Variants in GLIS1 observed in about 807,000 individuals in gnomAD.
GLIS1 encodes GLIS family zinc finger 1, also known as zinc finger protein GLIS1.
A neutral mutation model predicts 63.8 loss-of-function variants in GLIS1; 24 were observed. The ratio of observed to expected loss-of-function variants is 0.38; its 90% confidence interval spans 0.27 to 0.53. The LOEUF is 0.53. GLIS1 is among the 20% of genes least tolerant of loss of function. The pLI, the probability that GLIS1 is intolerant of heterozygous loss-of-function variation, is 0.85. For missense variants in GLIS1, 1,036 were observed against 1,074.1 expected, an observed-to-expected ratio of 0.96 and a Z score of 0.50; for synonymous variants, 450 against 482.5, an observed-to-expected ratio of 0.93 and a Z score of 0.88.
intron 4 of GLIS1, among the ~76,000 whole-genome samples, chr1:53,568,245 C>T (rs952574941): frequency 3.3e-5 from 5 of 152,238 alleles, no homozygotes; most frequent in Non-Finnish European, 7.3e-5. Context: ...AATGACTACC[C>T]TATTGGGTTT....
chr1:53,515,805 C>T (rs2100274440), intron 7 of GLIS1, among the ~76,000 whole-genome samples: 1 of 142,592 alleles, frequency 7.0e-6, no homozygotes, highest in South Asian at 2.3e-4. Flanking sequence ...TTTGATGTTC[C>T]CTATTTTATC....
At chr1:53,562,019 C>T (rs1644897477) in intron 4 of GLIS1, among the ~76,000 whole-genome samples, 1 of 152,202 alleles carries the variant, frequency 6.6e-6, no homozygotes, top group South Asian at 2.1e-4. Context: ...GTTTCAACGT[C>T]TTCCCATGTT....
At chr1:53,587,936 T>C (rs1569871999) in intron 4 of GLIS1, among the ~76,000 whole-genome samples, 1 of 152,000 alleles carries the variant, frequency 6.6e-6, no homozygotes, top group South Asian at 2.1e-4. Context: ...GTCTCTGGAG[T>C]CAGACTGAGA....
At chr1:53,612,979 C>A (rs998603560) in intron 2 of GLIS1, among the ~76,000 whole-genome samples, 1 of 152,130 alleles carries the variant, frequency 6.6e-6, no homozygotes, top group African/African-American at 2.4e-5. Context: ...CCACCACGTG[C>A]GGCTAATTTT....
intron 6 of GLIS1, 75 bp downstream of exon 6, chr1:53,524,701 GA>G (rs1644446272): frequency 1.0e-6 from 1 of 989,392 alleles, no homozygotes. Flanking sequence ...TGCATGTGTT[GA>G]GGGTGGGCAC....
chr1:53,704,710 G>A (rs1279860343), intron 2 of GLIS1, among the ~76,000 whole-genome samples: 1 of 152,194 alleles, frequency 6.6e-6, no homozygotes, highest in Non-Finnish European at 1.5e-5. Flanking sequence ...CCATCAGCGG[G>A]GCAGACCTCA....
chr1:53,632,157 G>T (rs554869708), intron 2 of GLIS1, among the ~76,000 whole-genome samples: 53 of 149,808 alleles, frequency 3.5e-4, no homozygotes, highest in African/African-American at 1.3e-3. Context: ...GACTGTGAGG[G>T]GCATGTGACT....
intron 4 of GLIS1, among the ~76,000 whole-genome samples, chr1:53,540,503 C>T (rs560993452): frequency 6.6e-6 from 1 of 152,270 alleles, no homozygotes; most frequent in Admixed American, 6.5e-5. Context: ...ATGGGGTGTC[C>T]TCCTGCGGTG....
intron 2 of GLIS1, among the ~76,000 whole-genome samples, chr1:53,656,387 C>T (rs148838734): frequency 3.9e-5 from 6 of 152,348 alleles, no homozygotes; most frequent in Non-Finnish European, 7.3e-5. Flanking sequence ...GCTGCATTAA[C>T]GGCTTTCTGA....
At chr1:53,705,252 GT>G (rs1646566802) in intron 2 of GLIS1, among the ~76,000 whole-genome samples, 1 of 152,240 alleles carries the variant, frequency 6.6e-6, no homozygotes, top group South Asian at 2.1e-4. Context: ...CCTGCCCAGG[GT>G]ACCTCCTGGC....
chr1:53,607,024 T>C (rs1427578998), intron 2 of GLIS1, among the ~76,000 whole-genome samples: 1 of 152,176 alleles, frequency 6.6e-6, no homozygotes, highest in Admixed American at 6.5e-5. Flanking sequence ...AGGTGTATGG[T>C]GTGTGTAAAT....
intron 2 of GLIS1, among the ~76,000 whole-genome samples, chr1:53,641,492 G>T (rs372036189): frequency 2.8e-4 from 43 of 152,302 alleles, no homozygotes; most frequent in African/African-American, 9.9e-4. Context: ...TCAGGTGCAA[G>T]TTCTGGCTAT....
Position 53,514,777 on chromosome 1 carries a change from C to A in GLIS1, c.1731G>T (p.Val577=), listed in dbSNP as rs115242222. 6.3e-7 allele frequency: 1 copy of A among 1,589,822 alleles called. No homozygotes were observed. Among genetic ancestry groups the A allele is most frequent in the African/African-American group, 1.3e-5 (1 of 74,666 alleles). The change falls in exon 8 of 11, where the codon GTG becomes GTT. Residue 577 remains valine (V), a synonymous_variant. Transcript: ENST00000628545. ...TATGGGGGGTGATGGAGCCAGGATA[C>A]ACACCTGCAGGGAATCAAACAAGGC... is the stretch of plus-strand genomic sequence containing the variant. ...CGLGQELLPG[V]YPGSITPHNG... is the part of the protein sequence containing the mutation.
chr1:53,731,237 C>T (rs1646857036), intron 2 of GLIS1, among the ~76,000 whole-genome samples: 1 of 152,200 alleles, frequency 6.6e-6, no homozygotes, highest in Non-Finnish European at 1.5e-5. Flanking sequence ...TTTTTCCAGA[C>T]CCCAGATTCC....
intron 2 of GLIS1, among the ~76,000 whole-genome samples, chr1:53,726,656 C>G (rs1169493936): frequency 6.6e-6 from 1 of 152,062 alleles, no homozygotes; most frequent in East Asian, 1.9e-4. Context: ...TGGACTGACC[C>G]AGGGCCAGGA....
At chr1:53,602,134 G>A (rs1645325039) in intron 2 of GLIS1, among the ~76,000 whole-genome samples, 1 of 152,110 alleles carries the variant, frequency 6.6e-6, no homozygotes, top group African/African-American at 2.4e-5. Flanking sequence ...GTTCCCACTG[G>A]CCCTGGCTGC....
At chr1:53,729,770 G>A (rs1646841486) in intron 2 of GLIS1, among the ~76,000 whole-genome samples, 1 of 152,124 alleles carries the variant, frequency 6.6e-6, no homozygotes, top group Non-Finnish European at 1.5e-5. Flanking sequence ...ACATTCCAGA[G>A]AATTAATATT....
intron 2 of GLIS1, among the ~76,000 whole-genome samples, chr1:53,659,086 C>T (rs1240504170): frequency 6.6e-6 from 1 of 152,316 alleles, no homozygotes; most frequent in Admixed American, 6.5e-5. Flanking sequence ...CAGGTACACC[C>T]ATCTGGGCCT....
At chr1:53,734,466 A>T (rs965816545) in intron 2 of GLIS1, among the ~76,000 whole-genome samples, 2 of 152,254 alleles carry the variant, frequency 1.3e-5, no homozygotes, top group Non-Finnish European at 2.9e-5. Flanking sequence ...TGTAGAAGGT[A>T]CAAGTTGTGG....
Sources: gnomAD v4.1 joint callset for allele counts (sites outside exome capture counted in the v4.1 genomes callset) on GRCh38, gnomAD v4.1.1 for gene constraint, MANE v1.5 for transcripts, NCBI Gene and HGNC (gene_info 2026-07-23, HGNC 2026-07-21) for gene names.